Variants in COG6 observed in about 807,000 individuals in gnomAD.
COG6 encodes the protein conserved oligomeric Golgi complex subunit 6.
In COG6, 74 loss-of-function variants were observed where a neutral mutation model predicts 88.8. The observed-to-expected ratio is 0.83, with a 90% confidence interval of 0.69 to 1.01. The LOEUF (loss-of-function observed/expected upper bound fraction) is 1.01, where lower values mean the gene tolerates loss of function less well. Ranked by LOEUF, COG6 falls within the 50% of genes least tolerant of loss-of-function variation. COG6 has a pLI of 0.00. For synonymous variants in COG6, 286 were observed against 278.7 expected, an observed-to-expected ratio of 1.03 and a Z score of -0.26; for missense variants, 800 against 797.9, an observed-to-expected ratio of 1.00 and a Z score of -0.03.
intron 2 of COG6, among the ~76,000 whole-genome samples, chr13:39,659,714 C>T (rs528165483): frequency 2.0e-5 from 3 of 152,196 alleles, no homozygotes; most frequent in Non-Finnish European, 4.4e-5. Context: ...AATATTAATT[C>T]TTAGAAAGTT....
At chr13:39,665,468 C>T (rs1875190664) in intron 4 of COG6, among the ~76,000 whole-genome samples, 1 of 151,858 alleles carries the variant, frequency 6.6e-6, no homozygotes, top group Non-Finnish European at 1.5e-5. Context: ...AGTTTTATTA[C>T]TTTTTTTTCA....
intron 13 of COG6, among the ~76,000 whole-genome samples, chr13:39,705,477 G>A (rs1325872261): frequency 1.3e-5 from 2 of 151,988 alleles, no homozygotes; most frequent in African/African-American, 4.8e-5. Flanking sequence ...AAGAGAATAT[G>A]CATCTATACT....
At chr13:39,665,630 T>G (rs1184464081) in intron 4 of COG6, among the ~76,000 whole-genome samples, 1 of 152,196 alleles carries the variant, frequency 6.6e-6, no homozygotes, top group Non-Finnish European at 1.5e-5. Flanking sequence ...GAGTACAGTC[T>G]GGATTTGTGT....
At chr13:39,731,231 AC>A (rs1338453936) in intron 18 of COG6, among the ~76,000 whole-genome samples, 3 of 152,082 alleles carry the variant, frequency 2.0e-5, no homozygotes, top group Non-Finnish European at 4.4e-5. Flanking sequence ...GACACCTATA[AC>A]CTGTGTCTCC....
intron 3 of COG6, chr13:39,664,204 A>G (rs1049931862): frequency 6.5e-6 from 1 of 154,334 alleles, no homozygotes; most frequent in Non-Finnish European, 1.5e-5. Context: ...AAAATGACCC[A>G]GTGTCTTCAG....
At chr13:39,663,095 C>CAT (rs56221014) in intron 3 of COG6, among the ~76,000 whole-genome samples, 98,615 of 151,054 alleles carry the variant, frequency 0.65, 32,455 homozygotes, top group Admixed American at 0.77. Flanking sequence ...AAATAATAAA[C>CAT]ATGCATTTAG....
chr13:39,727,401 G>T, intron 17 of COG6, 68 bp from the exon 18 acceptor site: 1 of 1,115,464 alleles, frequency 9.0e-7, no homozygotes, highest in Non-Finnish European at 1.4e-6. Context: ...TAAAAGAGAT[G>T]TTTATATTTG....
intron 18 of COG6, among the ~76,000 whole-genome samples, chr13:39,763,950 T>C (rs1205646391): frequency 6.6e-6 from 1 of 151,900 alleles, no homozygotes; most frequent in East Asian, 1.9e-4. Context: ...ACATATTCTC[T>C]CTGTTATCTG....
chr13:39,680,318 A>G (rs1876235383), intron 7 of COG6, among the ~76,000 whole-genome samples: 1 of 152,240 alleles, frequency 6.6e-6, no homozygotes, highest in African/African-American at 2.4e-5. Flanking sequence ...TCAGCCAAGC[A>G]GTATGCTTGA....
intron 18 of COG6, among the ~76,000 whole-genome samples, chr13:39,782,718 C>A (rs377406081): frequency 1.3e-5 from 2 of 152,184 alleles, no homozygotes; most frequent in Admixed American, 6.5e-5. Context: ...CTGCCTCCCC[C>A]CATCACAACA....
rs553023244 is a variant in COG6, at chr13:39,685,762, G to GA, written c.789-1735dup. 2.1e-3 allele frequency among the ~76,000 whole-genome samples: 316 copies of GA among 152,170 alleles called. 1 individual carries two copies. Among genetic ancestry groups the GA allele is most frequent in the African/African-American group, 7.1e-3 (294 of 41,536 alleles). On this transcript the variant is annotated intron_variant, in intron 8 of 18. Transcript: ENST00000455146. ...GGATTAATAATTTAAGAGCATGAGG[G>GA]AAAAAATAGCAATGAGCATTTTGGT...
intron 12 of COG6, among the ~76,000 whole-genome samples, chr13:39,698,765 A>G (rs1377728819): frequency 5.9e-5 from 9 of 151,910 alleles, no homozygotes. Context: ...TCATAACCAC[A>G]TGAAACTTTT....
chr13:39,738,253 A>G (rs547693940), intron 18 of COG6, among the ~76,000 whole-genome samples: 1 of 152,244 alleles, frequency 6.6e-6, no homozygotes, highest in East Asian at 1.9e-4. Context: ...GGAATTTTAA[A>G]CACATAAAAC....
chr13:39,719,446 T>C (rs1284179025), intron 14 of COG6, 79 bp downstream of exon 14: 1 of 1,399,430 alleles, frequency 7.1e-7, no homozygotes, highest in Non-Finnish European at 9.9e-7. Context: ...AATTTTGTAA[T>C]TCATATACTT....
chr13:39,719,087 T>G (rs1425591401), intron 13 of COG6, 149 bp from the exon 14 acceptor site: 13 of 736,250 alleles, frequency 1.8e-5, no homozygotes, highest in Non-Finnish European at 3.0e-5. Context: ...TTAATATAGT[T>G]CAAAGTAAGC....
intron 18 of COG6, among the ~76,000 whole-genome samples, chr13:39,774,983 G>C (rs990305769): frequency 8.5e-5 from 13 of 152,128 alleles, no homozygotes; most frequent in Non-Finnish European, 1.8e-4. Flanking sequence ...ATTAAAAGAG[G>C]CTATAAAAAT....
At chr13:39,755,780 C>T (rs910942261), downstream of COG6, among the ~76,000 whole-genome samples, 1 of 152,204 alleles carries the variant, frequency 6.6e-6, no homozygotes, top group Non-Finnish European at 1.5e-5. Context: ...CAGAGTCCTT[C>T]AGCAAAGACT....
At chr13:39,681,739 T>C (rs953043731) in intron 7 of COG6, among the ~76,000 whole-genome samples, 5 of 152,198 alleles carry the variant, frequency 3.3e-5, no homozygotes, top group Non-Finnish European at 7.4e-5. Context: ...ATTATATCAC[T>C]ATATATTAGT....
intron 11 of COG6, among the ~76,000 whole-genome samples, chr13:39,691,927 T>A (rs9548884): frequency 0.66 from 99,471 of 151,622 alleles, 32,898 homozygotes; most frequent in Admixed American, 0.77. Flanking sequence ...CATTATTCTT[T>A]GTAGATATGA....
Sources: gnomAD v4.1 joint callset for allele counts (sites outside exome capture counted in the v4.1 genomes callset) on GRCh38, gnomAD v4.1.1 for gene constraint, MANE v1.5 for transcripts, NCBI Gene and HGNC (gene_info 2026-07-23, HGNC 2026-07-21) for gene names.